Variants in PREX2 observed in about 807,000 individuals in gnomAD.
The protein encoded by PREX2 is phosphatidylinositol 3,4,5-trisphosphate-dependent Rac exchanger 2 protein.
In PREX2, 107 loss-of-function variants were observed where a neutral mutation model predicts 203.2. That is an observed-to-expected ratio of 0.53 (90% confidence interval 0.45 to 0.62). The LOEUF is 0.62. Ranked by LOEUF, PREX2 falls within the 20% of genes least tolerant of loss-of-function variation. The pLI is 0.00. For synonymous variants in PREX2, 672 were observed against 663.6 expected, an observed-to-expected ratio of 1.01 and a Z score of -0.19; for missense variants, 1,777 against 1,955.9, an observed-to-expected ratio of 0.91 and a Z score of 1.72.
At chr8:68,068,670 C>T (rs1403351328) in intron 11 of PREX2, among the ~76,000 whole-genome samples, 3 of 151,974 alleles carry the variant, frequency 2.0e-5, no homozygotes, top group Non-Finnish European at 4.4e-5. Flanking sequence ...AGCTTTGTAG[C>T]ATTGTGAAGA....
At chr8:68,206,340 G>A (rs1331044945) in intron 37 of PREX2, among the ~76,000 whole-genome samples, 1 of 152,182 alleles carries the variant, frequency 6.6e-6, no homozygotes, top group Non-Finnish European at 1.5e-5. Flanking sequence ...GTTGAAATCT[G>A]TGCTTTTGAT....
intron 7 of PREX2, among the ~76,000 whole-genome samples, chr8:68,039,040 G>A (rs1004220737): frequency 2.6e-5 from 4 of 152,016 alleles, no homozygotes; most frequent in African/African-American, 9.7e-5. Flanking sequence ...TATTCCTCTG[G>A]TATTGTCACT....
At chr8:68,015,079 T>C (rs1807376105) in intron 1 of PREX2, among the ~76,000 whole-genome samples, 1 of 152,228 alleles carries the variant, frequency 6.6e-6, no homozygotes, top group Non-Finnish European at 1.5e-5. Context: ...GATAAAACAA[T>C]GTGTAGAATC....
chr8:68,001,908 G>A (rs10957413), intron 1 of PREX2, among the ~76,000 whole-genome samples: 104,253 of 151,930 alleles, frequency 0.69, 36,010 homozygotes, highest in South Asian at 0.81. Flanking sequence ...ACTTGGACAC[G>A]AAGAGGGGAA....
intron 37 of PREX2, among the ~76,000 whole-genome samples, chr8:68,204,586 C>G (rs971701926): frequency 1.3e-5 from 2 of 151,956 alleles, no homozygotes; most frequent in African/African-American, 2.4e-5. Flanking sequence ...CCAGCTGTTA[C>G]CCATCTCTGC....
At chr8:68,112,641 A>C (rs1456673654) in intron 25 of PREX2, among the ~76,000 whole-genome samples, 2 of 152,084 alleles carry the variant, frequency 1.3e-5, no homozygotes, top group Admixed American at 6.6e-5. Context: ...TATTATATAC[A>C]TTGGCTTATT....
At chr8:68,170,968 T>C (rs1329634762) in intron 35 of PREX2, among the ~76,000 whole-genome samples, 2 of 152,220 alleles carry the variant, frequency 1.3e-5, no homozygotes, top group Non-Finnish European at 2.9e-5. Context: ...AACAGTGTTC[T>C]TCGTGTCAAA....
chr8:67,959,783 C>T (rs1490369738), intron 1 of PREX2, among the ~76,000 whole-genome samples: 1 of 152,124 alleles, frequency 6.6e-6, no homozygotes, highest in East Asian at 1.9e-4. Context: ...TGAACACATA[C>T]CAGAGGCTCT....
At chr8:68,114,450 G>T in intron 25 of PREX2, 1 of 371,792 alleles carries the variant, frequency 2.7e-6, no homozygotes. Context: ...CCCTATATGG[G>T]TCCTTTGTTT....
chr8:68,006,921 A>G (rs1266032257), intron 1 of PREX2, among the ~76,000 whole-genome samples: 1 of 152,216 alleles, frequency 6.6e-6, no homozygotes, highest in Non-Finnish European at 1.5e-5. Flanking sequence ...GACAGACACT[A>G]TATTTTTTTG....
At chr8:68,152,608 A>G (rs2129613824) in intron 34 of PREX2, among the ~76,000 whole-genome samples, 1 of 152,278 alleles carries the variant, frequency 6.6e-6, no homozygotes, top group East Asian at 1.9e-4. Context: ...AATATACTCA[A>G]TGCACACAGG....
chr8:68,128,135 A>G (rs11990676), intron 31 of PREX2, among the ~76,000 whole-genome samples: 6,649 of 152,290 alleles, frequency 0.044, 423 homozygotes, highest in African/African-American at 0.14. Context: ...ACTACATGCC[A>G]TTTAATTACA....
At chr8:68,225,289 T>C (rs930214181) in intron 39 of PREX2, among the ~76,000 whole-genome samples, 1 of 152,140 alleles carries the variant, frequency 6.6e-6, no homozygotes, top group East Asian at 1.9e-4. Context: ...TTGTTTGTTA[T>C]CTCAAATATT....
chr8:68,220,011 G>A (rs1050751000), intron 38 of PREX2, among the ~76,000 whole-genome samples: 1 of 151,758 alleles, frequency 6.6e-6, no homozygotes, highest in Non-Finnish European at 1.5e-5. Context: ...TATCGAATTT[G>A]TATTATGATA....
Position 68,108,121 on chromosome 8 carries a change from C to T in PREX2, c.2728C>T (p.Leu910=). 1 of 1,612,122 alleles carries T rather than the reference C, an allele frequency of 6.2e-7. No individual in the cohort carries two copies. The highest frequency in any genetic ancestry group is 8.5e-7 in the Non-Finnish European group (1 of 1,179,124). The change falls in exon 24 of 40, where the codon CTG becomes TTG. Residue 910 remains leucine (L), a synonymous_variant. Transcript: ENST00000288368. Reference sequence around the variant, plus strand: ...CTTTAATTTGCAGTTTTCTCGTGTACTGAAGAATAGGGCCTGGCCTACTTT... The same window carrying T: ...CTTTAATTTGCAGTTTTCTCGTGTATTGAAGAATAGGGCCTGGCCTACTTT... The part of the protein sequence containing the change: ...ISSYKKFSRV[L]KNRAWPTFKQ...
chr8:68,027,218 C>T lies in PREX2; in HGVS notation c.442-4C>T, dbSNP rs746533168. ...GTAATTAATTTTGATTATTTTCACC[C>T]CAGAACTGCATGCTGCTTGGAGGAC... On this transcript the variant is annotated splice_region_variant and splice_polypyrimidine_tract_variant and intron_variant, in intron 4 of 39. Transcript: ENST00000288368. 17 of 1,603,734 alleles carry T rather than the reference C, an allele frequency of 1.1e-5. No homozygotes were observed. Among genetic ancestry groups the T allele is most frequent in the Middle Eastern group, 1.7e-4 (1 of 6,040 alleles).
At position 68,026,295 on chromosome 8, in the gene PREX2, C is replaced by G. The variant is rs536661606; in HGVS notation, c.442-927C>G. Among the ~76,000 whole-genome samples the G allele has an allele frequency of 9.1e-4, 138 of 152,080 alleles. 1 individual carries two copies. The highest frequency in any genetic ancestry group is 3.3e-3 in the African/African-American group (135 of 41,484). Reference sequence around the variant, plus strand: ...GCTACTATCAGTCTTCCTTTTGCATCCTTTACTGATCAACACTCAGCCTCT... The same window carrying G: ...GCTACTATCAGTCTTCCTTTTGCATGCTTTACTGATCAACACTCAGCCTCT... On this transcript the variant is annotated intron_variant, in intron 4 of 39. Transcript: ENST00000288368.
At chr8:68,113,298 T>C (rs1302955958) in intron 25 of PREX2, among the ~76,000 whole-genome samples, 1 of 152,164 alleles carries the variant, frequency 6.6e-6, no homozygotes, top group Non-Finnish European at 1.5e-5. Flanking sequence ...TTGAAAAAAA[T>C]TATGCTTAGC....
chr8:68,205,842 A>C (rs751941959), intron 37 of PREX2, among the ~76,000 whole-genome samples: 3 of 152,190 alleles, frequency 2.0e-5, no homozygotes, highest in Non-Finnish European at 4.4e-5. Context: ...TTCTCCCTTC[A>C]ATTTATTTTT....
Sources: gnomAD v4.1 joint callset for allele counts (sites outside exome capture counted in the v4.1 genomes callset) on GRCh38, gnomAD v4.1.1 for gene constraint, MANE v1.5 for transcripts, NCBI Gene and HGNC (gene_info 2026-07-23, HGNC 2026-07-21) for gene names.